Variants in NUDT3 observed in about 807,000 individuals in gnomAD.
The protein encoded by NUDT3 is diphosphoinositol polyphosphate phosphohydrolase 1.
NUDT3 carries 9 observed loss-of-function variants against 23.6 expected under a neutral mutation model. The ratio of observed to expected loss-of-function variants is 0.38; its 90% confidence interval spans 0.23 to 0.66. The LOEUF is 0.66. Ranked by LOEUF, NUDT3 falls within the 30% of genes least tolerant of loss-of-function variation. The pLI is 0.52. For missense variants in NUDT3, 172 were observed against 218.5 expected (o/e 0.79, Z 1.34); for synonymous variants, 86 against 82.6 (o/e 1.04, Z -0.22).
At chr6:34,366,566 T>C (rs1228195259) in intron 1 of NUDT3, among the ~76,000 whole-genome samples, 1 of 149,032 alleles carries the variant, frequency 6.7e-6, no homozygotes, top group East Asian at 2.1e-4. Context: ...GCTTACTGTT[T>C]TGTTTTTTAG....
At chr6:34,289,288 C>T (rs555645673) in intron 4 of NUDT3, among the ~76,000 whole-genome samples, 104 of 152,292 alleles carry the variant, frequency 6.8e-4, no homozygotes, top group South Asian at 1.5e-3. Context: ...ACATGAGGGC[C>T]GGATGAGGTG....
Position 34,351,216 on chromosome 6 carries a change from A to AAAAAAAAAAAAAAACAAAAAAAAAAAAAC in NUDT3, c.100-9245_100-9244insGTTTTTTTTTTTTTGTTTTTTTTTTTTTT, listed in dbSNP as rs1561915130. 3.4e-4 allele frequency among the ~76,000 whole-genome samples: 44 copies of AAAAAAAAAAAAAAACAAAAAAAAAAAAAC among 130,802 alleles called. 1 individual carries two copies. Among genetic ancestry groups the AAAAAAAAAAAAAAACAAAAAAAAAAAAAC allele is most frequent in the African/African-American group, 1.4e-3 (43 of 29,920 alleles). The allele number at this position is 130,802 out of a possible 152,430, so 85.8% of individuals were successfully genotyped here. On this transcript the variant is annotated intron_variant, in intron 1 of 4. Transcript: ENST00000607016. ...CCCTGCCTAAAAAAAAAAAAAAAAA[A>AAAAAAAAAAAAAAACAAAAAAAAAAAAAC]AAAAAAAAAACACTTTGGGAGGCCA...
At chr6:34,355,887 G>A (rs1764553681) in intron 1 of NUDT3, among the ~76,000 whole-genome samples, 1 of 152,104 alleles carries the variant, frequency 6.6e-6, no homozygotes. Context: ...GTGTGCCCAG[G>A]GAAGGCATGG....
chr6:34,377,806 C>A (rs1350899825), intron 1 of NUDT3, among the ~76,000 whole-genome samples: 2 of 148,870 alleles, frequency 1.3e-5, no homozygotes, highest in African/African-American at 5.0e-5. Flanking sequence ...GCACTCCAGC[C>A]TGGGTGACAG....
intron 2 of NUDT3, among the ~76,000 whole-genome samples, chr6:34,303,001 C>A (rs1231577982): frequency 6.6e-6 from 1 of 152,134 alleles, no homozygotes; most frequent in African/African-American, 2.4e-5. Context: ...CTTCTCTGCT[C>A]TTCTTTAACA....
intron 2 of NUDT3, among the ~76,000 whole-genome samples, chr6:34,326,087 T>C (rs1764023900): frequency 6.6e-6 from 1 of 150,958 alleles, no homozygotes; most frequent in Non-Finnish European, 1.5e-5. Context: ...TAGGAATTCA[T>C]GTTCATGTGA....
intron 1 of NUDT3, among the ~76,000 whole-genome samples, chr6:34,371,579 G>A (rs778448582): frequency 3.9e-5 from 6 of 152,100 alleles, no homozygotes; most frequent in African/African-American, 1.2e-4. Flanking sequence ...GATTCCTTAC[G>A]AGATCCTTTC....
At chr6:34,377,832 C>CAAA (rs774757508) in intron 1 of NUDT3, among the ~76,000 whole-genome samples, 76 of 61,616 alleles carry the variant, frequency 1.2e-3, no homozygotes, top group African/African-American at 3.8e-3. Context: ...GACTCCGTCT[C>CAAA]AAAAAAAAAA....
chr6:34,364,014 C>CT (rs2113754077), intron 1 of NUDT3, among the ~76,000 whole-genome samples: 1 of 152,248 alleles, frequency 6.6e-6, no homozygotes, highest in African/African-American at 2.4e-5. Context: ...ATTCCAGAGA[C>CT]GCTAACAAGG....
chr6:34,382,482 G>A (rs965306630), intron 1 of NUDT3, among the ~76,000 whole-genome samples: 20 of 152,008 alleles, frequency 1.3e-4, no homozygotes, highest in African/African-American at 4.4e-4. Context: ...TTTTCTTAAT[G>A]TATATTTTAT....
intron 2 of NUDT3, among the ~76,000 whole-genome samples, chr6:34,329,625 G>A (rs1764096033): frequency 6.6e-6 from 1 of 152,006 alleles, no homozygotes; most frequent in African/African-American, 2.4e-5. Flanking sequence ...CATGGTACAG[G>A]AATTAGGATG....
intron 2 of NUDT3, among the ~76,000 whole-genome samples, chr6:34,299,298 A>T (rs1763561225): frequency 6.6e-6 from 1 of 152,246 alleles, no homozygotes; most frequent in Non-Finnish European, 1.5e-5. Flanking sequence ...TTACAATTTC[A>T]ATCTATATGT....
intron 4 of NUDT3, among the ~76,000 whole-genome samples, chr6:34,289,747 C>G (rs916214275): frequency 2.6e-5 from 4 of 152,118 alleles, no homozygotes; most frequent in Non-Finnish European, 4.4e-5. Flanking sequence ...AGTCTATTTT[C>G]TTACTCTTTT....
chr6:34,391,650 TTTC>T (rs1765200923), intron 1 of NUDT3, among the ~76,000 whole-genome samples: 1 of 152,158 alleles, frequency 6.6e-6, no homozygotes, highest in Non-Finnish European at 1.5e-5. Context: ...TCAAATGTCT[TTTC>T]TTCTCAGACT....
intron 2 of NUDT3, among the ~76,000 whole-genome samples, chr6:34,330,893 T>A (rs1764117462): frequency 6.6e-6 from 1 of 152,208 alleles, no homozygotes; most frequent in African/African-American, 2.4e-5. Flanking sequence ...TTCACTGTGA[T>A]GCCCAGGCTG....
rs1219935975 is a variant in NUDT3 at position 34,284,493 on chromosome 6, T to C, written c.*4260A>G. The C allele has an allele frequency of 2.0e-5, 3 of 152,012 alleles. No individual in the cohort carries two copies. Among genetic ancestry groups the C allele is most frequent in the African/African-American group, 7.2e-5 (3 of 41,398 alleles). The allele number at this position is 152,012 out of a possible 1,614,324, so 9.4% of individuals were successfully genotyped here. A position where few individuals can be genotyped will look rare whatever the true frequency, so the allele number is the denominator to read the frequency against. On this transcript the variant is annotated 3_prime_UTR_variant, in exon 5 of 5. Transcript: ENST00000607016. ...TCACATTGTGGCTATTAAATCCTTT[T>C]TGTGAACTAAAAAAAGTGAATGTGG...
At chr6:34,309,754 G>A (rs1433868702) in intron 2 of NUDT3, among the ~76,000 whole-genome samples, 1 of 151,930 alleles carries the variant, frequency 6.6e-6, no homozygotes, top group Non-Finnish European at 1.5e-5. Context: ...CATGAAAGAG[G>A]AGACATCATT....
At chr6:34,368,465 G>A (rs1764774077) in intron 1 of NUDT3, among the ~76,000 whole-genome samples, 1 of 152,140 alleles carries the variant, frequency 6.6e-6, no homozygotes, top group Non-Finnish European at 1.5e-5. Flanking sequence ...GGGCTCCAGG[G>A]CATGGAGGAG....
intron 1 of NUDT3, among the ~76,000 whole-genome samples, chr6:34,359,994 T>C (rs1203920038): frequency 6.6e-6 from 1 of 151,764 alleles, no homozygotes; most frequent in Non-Finnish European, 1.5e-5. Flanking sequence ...GCTGGGAGGC[T>C]GAAGTGAGCA....
Sources: allele counts gnomAD v4.1 joint callset (sites outside exome capture counted in the v4.1 genomes callset), GRCh38; gene constraint gnomAD v4.1.1; transcripts MANE v1.5; gene names NCBI Gene and HGNC (gene_info 2026-07-23, HGNC 2026-07-21).